The following ZNF57 variants were observed in gnomAD, a reference collection of about 807,000 sequenced individuals.
The protein encoded by ZNF57 is zinc finger protein 424.
A neutral mutation model predicts 13.4 loss-of-function variants in ZNF57; 11 were observed. The observed-to-expected ratio is 0.82, with a 90% CI of 0.52 to 1.36. The LOEUF (loss-of-function observed/expected upper bound fraction) is 1.36. Among genes scored for constraint, ZNF57 ranks in the 40% most tolerant of loss-of-function variants. The pLI, the probability that ZNF57 is intolerant of heterozygous loss-of-function variation, is 0.00. For missense variants in ZNF57, 696 were observed against 667.5 expected (o/e 1.04, Z -0.47); for synonymous variants, 224 against 238.5 (o/e 0.94, Z 0.56).
rs753835397 is a variant in ZNF57 at position 2,917,770 on chromosome 19, G to A, written c.1149G>A (p.Val383=). 2.5e-6 allele frequency: 4 copies of A among 1,606,150 alleles called. No homozygotes were observed. The highest frequency in any genetic ancestry group is 3.4e-6 in the Non-Finnish European group (4 of 1,176,232). Residue 383 remains valine, a synonymous_variant, in exon 4 of 4, where the codon GTG becomes GTA. Coordinates refer to ENST00000306908, the MANE Select transcript of ZNF57 (RefSeq NM_173480.3). The part of the protein sequence containing the change: ...FTWSSTFREH[V]RIHTQEQLYK... ...GGTCCTCAACGTTTAGAGAACATGT[G>A]AGAATTCACACGCAAGAGCAGCTCT...
At chr19:2,912,239 G>C (rs2088144535) in intron 1 of ZNF57, 1 of 152,190 alleles carries the variant, frequency 6.6e-6, no homozygotes, top group Admixed American at 6.5e-5. Context: ...GGAAGATGAT[G>C]GGGGATACAT....
chr19:2,918,280 C>T lies in ZNF57; in HGVS notation c.1659C>T (p.Ser553=). The change falls in exon 4 of 4, where the codon AGC becomes AGT. Residue 553 remains serine, a synonymous_variant. Coordinates refer to ENST00000306908, the MANE Select transcript of ZNF57 (RefSeq NM_173480.3). ...CQVILSKTSE[S]TH ...TCATTCTTTCTAAAACCAGTGAGAG[C>T]ACACACTAAAGAGAAATTCTATAAC... 4 of 1,599,082 alleles carry T rather than the reference C, an allele frequency of 2.5e-6. No individual in the cohort carries two copies. The highest frequency in any genetic ancestry group is 3.4e-6 in the Non-Finnish European group (4 of 1,172,054).
At chr19:2,901,971 G>C (rs1045534409) in intron 1 of ZNF57, among the ~76,000 whole-genome samples, 9 of 151,996 alleles carry the variant, frequency 5.9e-5, no homozygotes, top group Admixed American at 5.3e-4. Flanking sequence ...CACAAGGGCT[G>C]GGAGGAATAT....
At chr19:2,902,982 A>C (rs2088041685) in intron 1 of ZNF57, among the ~76,000 whole-genome samples, 1 of 152,148 alleles carries the variant, frequency 6.6e-6, no homozygotes. Flanking sequence ...CCCACAGTTG[A>C]GCCTGCACTG....
chr19:2,910,886 G>C (rs2088127696), intron 1 of ZNF57, among the ~76,000 whole-genome samples: 2 of 151,070 alleles, frequency 1.3e-5, no homozygotes, highest in South Asian at 4.2e-4. Context: ...GAGCCACCGG[G>C]CCCGGCCTGG....
chr19:2,901,329 A>G (rs1422364135), intron 1 of ZNF57, among the ~76,000 whole-genome samples: 2 of 51,414 alleles, frequency 3.9e-5, no homozygotes, highest in African/African-American at 8.4e-5. Flanking sequence ...AGGGGCGGTC[A>G]GGGGTCAGGG....
At chr19:2,905,651 G>T (rs928491745) in intron 1 of ZNF57, among the ~76,000 whole-genome samples, 1 of 151,006 alleles carries the variant, frequency 6.6e-6, no homozygotes, top group African/African-American at 2.4e-5. Flanking sequence ...TGTAGTCCCA[G>T]CTACTCGGGA....
At chr19:2,907,483 T>C (rs2316872) in intron 1 of ZNF57, among the ~76,000 whole-genome samples, 55,316 of 152,008 alleles carry the variant, frequency 0.36, 10,435 homozygotes, top group Non-Finnish European at 0.43. Flanking sequence ...ATAGGAATTA[T>C]TTTTCCCCCA....
At chr19:2,908,743 A>G (rs1191902084) in intron 1 of ZNF57, among the ~76,000 whole-genome samples, 1 of 152,024 alleles carries the variant, frequency 6.6e-6, no homozygotes, top group African/African-American at 2.4e-5. Flanking sequence ...CCAAGACCAC[A>G]GTCAACTTGA....
intron 1 of ZNF57, among the ~76,000 whole-genome samples, chr19:2,905,720 G>T (rs1224128413): frequency 6.8e-6 from 1 of 146,130 alleles, no homozygotes; most frequent in Non-Finnish European, 1.5e-5. Context: ...AGCTGAGATT[G>T]CGCCACTGCA....
chr19:2,908,580 C>T (rs900623776), intron 1 of ZNF57, among the ~76,000 whole-genome samples: 1 of 151,660 alleles, frequency 6.6e-6, no homozygotes, highest in Non-Finnish European at 1.5e-5. Context: ...TCACCACGCC[C>T]GGCTAATTTT....
chr19:2,915,684 T>G (rs1276383778), intron 2 of ZNF57, 36 bp downstream of exon 2: 1 of 1,613,002 alleles, frequency 6.2e-7, no homozygotes, highest in African/African-American at 1.3e-5. Context: ...TGGTTTTTAA[T>G]GAACTCATTT....
chr19:2,913,112 C>A (rs2088155484), intron 1 of ZNF57, among the ~76,000 whole-genome samples: 1 of 152,108 alleles, frequency 6.6e-6, no homozygotes, highest in Non-Finnish European at 1.5e-5. Context: ...CGCCACCACG[C>A]CCAGCTAATT....
intron 1 of ZNF57, among the ~76,000 whole-genome samples, chr19:2,909,044 A>T (rs2088105387): frequency 1.3e-5 from 2 of 152,048 alleles, no homozygotes; most frequent in Admixed American, 1.3e-4. Context: ...TCCATTCCTT[A>T]CATGGCTGAG....
chr19:2,913,986 A>G (rs1051303190), intron 1 of ZNF57, among the ~76,000 whole-genome samples: 4 of 152,098 alleles, frequency 2.6e-5, no homozygotes, highest in Admixed American at 2.0e-4. Context: ...GGTTTCTTCT[A>G]TGGCCTAGCA....
rs770375660 is a variant in ZNF57, at chr19:2,917,016, A to C, written c.395A>C (p.Lys132Thr). The stretch of plus-strand genomic sequence containing the variant: ...ATGCCAGATCTTACCCTGCACAAGA[A>C]AGTTTCTGCTGGAGAAAAACCATAT... ...HQMPDLTLHK[K>T]VSAGEKPYEC... The change falls in exon 4 of 4, where the codon AAA (lysine) becomes ACA (threonine). Residue 132 changes from lysine (K) to threonine (T), a missense_variant. By Grantham distance (78) the Lys-to-Thr change is moderately conservative (BLOSUM62 -1). Transcript: ENST00000306908. The C allele has an allele frequency of 1.9e-6, 3 of 1,614,196 alleles. No homozygotes were observed. The Admixed American group carries it at 5.0e-5, about 27-fold the overall frequency.
Position 2,916,296 on chromosome 19 carries a change from A to G in ZNF57, c.302+47A>G, listed in dbSNP as rs774555270. ...AAAATCCTTGTATGCAATTAAATAT[A>G]TATCTAAGTATTGCTCCAAATATAA... On this transcript the variant is annotated intron_variant, in intron 3 of 3. Transcript: ENST00000306908. 4.8e-6 allele frequency: 7 copies of G among 1,472,588 alleles called. No homozygotes were observed. The South Asian group carries it at 7.0e-5, about 15-fold the overall frequency. 91.2% of individuals were successfully genotyped at this position (1,472,588 alleles called of 1,614,324 possible).
chr19:2,915,785 T>C lies in ZNF57; in HGVS notation c.130+137T>C, dbSNP rs533251106. On this transcript the variant is annotated intron_variant, in intron 2 of 3. Coordinates refer to ENST00000306908, the MANE Select transcript of ZNF57 (RefSeq NM_173480.3). ...CCACCATGGACCTAGAATCTAGTCA[T>C]TATTCCCTAACAGTGAAAACATGTG... is the stretch of plus-strand genomic sequence containing the variant. 4.3e-4 allele frequency: 588 copies of C among 1,363,754 alleles called. 1 individual carries two copies. Among genetic ancestry groups the C allele is most frequent in the Non-Finnish European group, 5.8e-4 (556 of 963,432 alleles). The allele number at this position is 1,363,754 out of a possible 1,614,324, so 84.5% of individuals were successfully genotyped here. A position where few individuals can be genotyped will look rare whatever the true frequency, so the allele number is the denominator to read the frequency against.
chr19:2,914,036 G>C (rs1201489356), intron 1 of ZNF57, among the ~76,000 whole-genome samples: 1 of 152,200 alleles, frequency 6.6e-6, no homozygotes, highest in Non-Finnish European at 1.5e-5. Context: ...CACTTGAGAA[G>C]AATGTGTGTT....
Sources: allele counts gnomAD v4.1 joint callset (sites outside exome capture counted in the v4.1 genomes callset), GRCh38; gene constraint gnomAD v4.1.1; transcripts MANE v1.5; gene names NCBI Gene and HGNC (gene_info 2026-07-23, HGNC 2026-07-21).